Variants in PXDNL observed in about 807,000 individuals in gnomAD.
PXDNL encodes probable oxidoreductase PXDNL.
PXDNL carries 145 observed loss-of-function variants against 150.8 expected under a neutral mutation model. The observed-to-expected ratio is 0.96, with a 90% CI of 0.84 to 1.10. The LOEUF (loss-of-function observed/expected upper bound fraction) is 1.10, where lower values mean the gene tolerates loss of function less well. Among genes scored for constraint, PXDNL ranks in the 50% least tolerant of loss-of-function variants. The pLI, the probability that PXDNL is intolerant of heterozygous loss-of-function variation, is 0.00. For synonymous variants in PXDNL, 757 were observed against 725.7 expected (o/e 1.04, Z -0.69); for missense variants, 2,087 against 1,873.9 (o/e 1.11, Z -2.10).
rs77851919 is a variant in PXDNL at position 51,361,148 on chromosome 8, T to C, written c.3901+10725A>G. ...ATTCCAAAGCTCCACGGATTTGTTTTTAGCTCTCTGAGTTTGAGCAAATTT... is the reference window on the plus strand; with the variant it reads ...ATTCCAAAGCTCCACGGATTTGTTTCTAGCTCTCTGAGTTTGAGCAAATTT... On this transcript the variant is annotated intron_variant, in intron 19 of 22. Transcript: ENST00000356297. Among the ~76,000 whole-genome samples, 563 of 152,306 alleles carry C rather than the reference T, an allele frequency of 3.7e-3. 4 individuals carry two copies. The highest frequency in any genetic ancestry group is 0.013 in the African/African-American group (538 of 41,558).
chr8:51,672,293 T>C (rs910794997), intron 1 of PXDNL, among the ~76,000 whole-genome samples: 10 of 152,208 alleles, frequency 6.6e-5, no homozygotes, highest in Admixed American at 3.3e-4. Flanking sequence ...CAAATCATTC[T>C]TTAACAGAGT....
chr8:51,638,424 AG>A (rs1814656723), intron 2 of PXDNL, among the ~76,000 whole-genome samples: 1 of 152,234 alleles, frequency 6.6e-6, no homozygotes, highest in Non-Finnish European at 1.5e-5. Flanking sequence ...TAAAGAGTCA[AG>A]ACCCATCAGT....
chr8:51,744,075 AAGGAAG>A lies in PXDNL; in HGVS notation c.164+65100_164+65105del, dbSNP rs1563307155. ...GAAGGAAGGAAGGAAGGAAGGAAGG[AAGGAAG>A]GAAGGAAGGAAGGAAAGAAAGAAAG... On this transcript the variant is annotated intron_variant, in intron 1 of 22. Transcript: ENST00000356297. Among the ~76,000 whole-genome samples, 458 of 83,902 alleles carry A rather than the reference AAGGAAG, an allele frequency of 5.5e-3. 11 individuals are homozygous for A. The highest frequency in any genetic ancestry group is 8.9e-3 in the African/African-American group (166 of 18,620). The allele number at this position is 83,902 out of a possible 152,430, so 55.0% of individuals were successfully genotyped here.
At position 51,809,288 on chromosome 8, in the gene PXDNL, C is replaced by G; in HGVS notation, c.57G>C (p.Leu19=). 1 of 1,591,134 alleles carries G rather than the reference C, an allele frequency of 6.3e-7. No individual in the cohort carries two copies. Among genetic ancestry groups the G allele is most frequent in the Non-Finnish European group, 8.6e-7 (1 of 1,168,736 alleles). Residue 19 remains leucine (L), a synonymous_variant, in exon 1 of 23, where the codon CTG becomes CTC. Coordinates refer to ENST00000356297, the MANE Select transcript of PXDNL (RefSeq NM_144651.5). The stretch of plus-strand genomic sequence containing the variant: ...ACCGGCTGGGGCAGGGCAACCCTGG[C>G]AGGCACCACCCGGCCAGGAGAAAGA... The part of the protein sequence containing the change: ...TTLFLLAGWC[L]PGLPCPSRCL...
intron 1 of PXDNL, among the ~76,000 whole-genome samples, chr8:51,803,986 G>A (rs1049718755): frequency 1.3e-5 from 2 of 152,126 alleles, no homozygotes; most frequent in Admixed American, 6.5e-5. Context: ...TCCAAGACAG[G>A]TCTCAGTTAA....
At position 51,413,088 on chromosome 8, in the gene PXDNL, A is replaced by T. The variant is rs570228270; in HGVS notation, c.1904+62T>A. On this transcript the variant is annotated intron_variant, in intron 15 of 22. Coordinates refer to ENST00000356297, the MANE Select transcript of PXDNL (RefSeq NM_144651.5). ...CACTATAATGTGACTTATGGAGATG[A>T]TAAAAACTAAGTAGAACAGAAATGA... 5.8e-4 allele frequency: 606 copies of T among 1,050,242 alleles called. 3 individuals carry two copies. The South Asian group carries it at 7.4e-3, about 13-fold the overall frequency. The allele number at this position is 1,050,242 out of a possible 1,614,324, so 65.1% of individuals were successfully genotyped here.
chr8:51,471,275 TACA>T (rs1810326344), intron 8 of PXDNL, among the ~76,000 whole-genome samples: 1 of 152,010 alleles, frequency 6.6e-6, no homozygotes, highest in Non-Finnish European at 1.5e-5. Flanking sequence ...AAATCAAAAC[TACA>T]ACGAGATACC....
At chr8:51,489,746 T>G (rs1412568991) in intron 5 of PXDNL, among the ~76,000 whole-genome samples, 1 of 152,214 alleles carries the variant, frequency 6.6e-6, no homozygotes, top group Non-Finnish European at 1.5e-5. Context: ...TTCTTGAACT[T>G]ATAATTTTAT....
chr8:51,429,194 G>C (rs554930975), intron 12 of PXDNL, among the ~76,000 whole-genome samples: 2 of 152,332 alleles, frequency 1.3e-5, no homozygotes, highest in South Asian at 4.1e-4. Flanking sequence ...TTGCAGGCAA[G>C]GATGCAGGTA....
At chr8:51,400,989 C>T (rs1808230183) in intron 17 of PXDNL, among the ~76,000 whole-genome samples, 1 of 152,158 alleles carries the variant, frequency 6.6e-6, no homozygotes, top group Admixed American at 6.5e-5. Context: ...AAGCATGTCC[C>T]ACTTCCCCTA....
At chr8:51,380,747 C>A (rs1356180983) in intron 17 of PXDNL, among the ~76,000 whole-genome samples, 2 of 152,136 alleles carry the variant, frequency 1.3e-5, no homozygotes, top group Non-Finnish European at 2.9e-5. Context: ...ATGCTTCTAA[C>A]AATTAATGCT....
intron 8 of PXDNL, among the ~76,000 whole-genome samples, chr8:51,470,297 A>G (rs1810298145): frequency 6.6e-6 from 1 of 152,110 alleles, no homozygotes. Flanking sequence ...TTTAACCTAC[A>G]CTTACTAGAC....
intron 19 of PXDNL, among the ~76,000 whole-genome samples, chr8:51,360,806 C>G (rs1375657992): frequency 6.6e-6 from 1 of 152,242 alleles, no homozygotes; most frequent in Non-Finnish European, 1.5e-5. Flanking sequence ...TGGAACCAAT[C>G]TGGCTGTTTC....
intron 1 of PXDNL, among the ~76,000 whole-genome samples, chr8:51,747,481 T>C (rs1043175574): frequency 1.3e-5 from 2 of 152,208 alleles, no homozygotes; most frequent in Admixed American, 1.3e-4. Context: ...CAACACAATG[T>C]AGACAGAAAC....
At chr8:51,552,752 C>T (rs1812520584) in intron 4 of PXDNL, among the ~76,000 whole-genome samples, 1 of 152,038 alleles carries the variant, frequency 6.6e-6, no homozygotes, top group Non-Finnish European at 1.5e-5. Context: ...GTTGGGTGCA[C>T]CAAAATCTCA....
At chr8:51,748,508 G>T (rs771996914) in intron 1 of PXDNL, among the ~76,000 whole-genome samples, 13 of 152,192 alleles carry the variant, frequency 8.5e-5, no homozygotes, top group Non-Finnish European at 7.3e-5. Context: ...ACTGCATTCC[G>T]ACAGGACACC....
chr8:51,334,838 G>C (rs1370487937), intron 21 of PXDNL, among the ~76,000 whole-genome samples: 2 of 152,122 alleles, frequency 1.3e-5, no homozygotes, highest in Non-Finnish European at 2.9e-5. Flanking sequence ...TTCTCATCTA[G>C]AAACTTTCTG....
At chr8:51,735,534 T>TG (rs1563304265) in intron 1 of PXDNL, among the ~76,000 whole-genome samples, 20 of 46,166 alleles carry the variant, frequency 4.3e-4, no homozygotes, top group African/African-American at 2.0e-3. Context: ...TTGTTTTTTT[T>TG]TTTTTTTTTT....
At chr8:51,724,446 T>C (rs748212741) in intron 1 of PXDNL, among the ~76,000 whole-genome samples, 16 of 151,888 alleles carry the variant, frequency 1.1e-4, no homozygotes, top group Non-Finnish European at 2.2e-4. Context: ...ACAACAGACA[T>C]ATCTGTTATG....
Sources: gnomAD v4.1 joint callset for allele counts (sites outside exome capture counted in the v4.1 genomes callset) on GRCh38, gnomAD v4.1.1 for gene constraint, MANE v1.5 for transcripts, NCBI Gene and HGNC (gene_info 2026-07-23, HGNC 2026-07-21) for gene names.